The following PLPPR1 variants were observed in gnomAD, a reference collection of about 807,000 sequenced individuals.
The protein encoded by PLPPR1 is phospholipid phosphatase related 1, also known as phospholipid phosphatase-related protein type 1.
A neutral mutation model predicts 33.1 loss-of-function variants in PLPPR1; 10 were observed. The ratio of observed to expected loss-of-function variants is 0.30; its 90% CI spans 0.19 to 0.51. PLPPR1 has a LOEUF of 0.51. Among genes scored for constraint, PLPPR1 ranks in the 20% least tolerant of loss-of-function variants. The pLI is 0.97. For synonymous variants in PLPPR1, 151 were observed against 151.0 expected (o/e 1.00, Z 0.00); for missense variants, 304 against 408.1 (o/e 0.74, Z 2.20).
intron 2 of PLPPR1, among the ~76,000 whole-genome samples, chr9:101,236,535 C>G (rs1219201844): frequency 8.9e-6 from 1 of 111,864 alleles, no homozygotes; most frequent in African/African-American, 4.5e-5. Context: ...TCTCTCTAAA[C>G]TCACACACAC....
chr9:101,067,421 C>T (rs1022968591), intron 1 of PLPPR1, among the ~76,000 whole-genome samples: 1 of 151,690 alleles, frequency 6.6e-6, no homozygotes, highest in Non-Finnish European at 1.5e-5. Flanking sequence ...TTCTTGCCCT[C>T]AAGAATATTG....
chr9:101,214,095 CA>C (rs1477403422), intron 2 of PLPPR1, among the ~76,000 whole-genome samples: 2 of 152,018 alleles, frequency 1.3e-5, no homozygotes, highest in Non-Finnish European at 2.9e-5. Flanking sequence ...GATGAGGTGA[CA>C]AGACAGATGC....
rs1159891165 is a variant in PLPPR1 at position 101,185,869 on chromosome 9, AAG to A, written c.63+316_63+317del. On this transcript the variant is annotated intron_variant, in intron 2 of 7. Coordinates refer to ENST00000374874, the MANE Select transcript of PLPPR1 (RefSeq NM_207299.2). ...ACAATGATGTGAATGTTAACTATGA[AAG>A]AGAATGAAGCATTTTAATTAATTTT... Among the ~76,000 whole-genome samples, 6 of 151,994 alleles carry A rather than the reference AAG, an allele frequency of 3.9e-5. No individual in the cohort carries two copies. The South Asian group carries it at 1.2e-3, about 32-fold the overall frequency.
chr9:101,249,592 ACTT>A (rs1827679626), intron 2 of PLPPR1, among the ~76,000 whole-genome samples: 2 of 151,898 alleles, frequency 1.3e-5, no homozygotes, highest in Admixed American at 1.3e-4. Flanking sequence ...ACATTTTCTC[ACTT>A]CTTTAAACAC....
chr9:101,092,555 G>C (rs1355450585), intron 1 of PLPPR1, among the ~76,000 whole-genome samples: 1 of 152,052 alleles, frequency 6.6e-6, no homozygotes. Context: ...CTACCTCTCT[G>C]TGCCCCATGC....
intron 1 of PLPPR1, among the ~76,000 whole-genome samples, chr9:101,073,187 CTG>C (rs1188975602): frequency 6.6e-6 from 1 of 152,084 alleles, no homozygotes; most frequent in Non-Finnish European, 1.5e-5. Flanking sequence ...CTAATTTTTG[CTG>C]TGTTATTTCT....
At position 101,111,250 on chromosome 9, in the gene PLPPR1, C is replaced by A. The variant is rs1028870622; in HGVS notation, c.-45-74200C>A. Among the ~76,000 whole-genome samples, 3 of 151,974 alleles carry A rather than the reference C, an allele frequency of 2.0e-5. No homozygotes were observed. In the South Asian group the frequency reaches 6.2e-4, roughly 32 times the overall value. On this transcript the variant is annotated intron_variant, in intron 1 of 7. Transcript: ENST00000374874. ...GCTATTAAAAAGAAAATAAGCAATT[C>A]AAGTCGTTTTCAGAAAATAACAAAT...
chr9:101,254,907 G>T (rs1827772765), intron 2 of PLPPR1, among the ~76,000 whole-genome samples: 2 of 152,042 alleles, frequency 1.3e-5, no homozygotes, highest in Non-Finnish European at 2.9e-5. Flanking sequence ...GTGACTACTG[G>T]GTTATAGGGC....
intron 3 of PLPPR1, among the ~76,000 whole-genome samples, chr9:101,274,437 G>A (rs1025463049): frequency 2.0e-5 from 3 of 152,126 alleles, no homozygotes; most frequent in East Asian, 1.9e-4. Context: ...TATTTTCCTC[G>A]CAAATGAGGG....
intron 1 of PLPPR1, among the ~76,000 whole-genome samples, chr9:101,039,163 C>T (rs943299470): frequency 6.6e-6 from 1 of 152,130 alleles, no homozygotes; most frequent in Middle Eastern, 3.2e-3. Flanking sequence ...ATTATCCTTC[C>T]CTGCTCTGAA....
At chr9:101,163,869 C>T (rs73656176) in intron 1 of PLPPR1, among the ~76,000 whole-genome samples, 7,972 of 152,182 alleles carry the variant, frequency 0.052, 726 homozygotes, top group African/African-American at 0.18. Flanking sequence ...TTTTACCACC[C>T]TGTGAGGTGT....
chr9:101,078,105 A>AAGGAGAAGG (rs1491245491), intron 1 of PLPPR1, among the ~76,000 whole-genome samples: 484 of 2,266 alleles, frequency 0.21, 123 homozygotes, highest in Middle Eastern at 0.5. Flanking sequence ...GGAGAAGGAG[A>AAGGAGAAGG]AGAAGAAGAA....
Position 101,114,627 on chromosome 9 carries a change from C to T in PLPPR1, c.-45-70823C>T, listed in dbSNP as rs185508836. 8.2e-4 allele frequency among the ~76,000 whole-genome samples: 125 copies of T among 152,286 alleles called. 1 individual carries two copies. Among genetic ancestry groups the T allele is most frequent in the Non-Finnish European group, 1.5e-3 (100 of 68,030 alleles). On this transcript the variant is annotated intron_variant, in intron 1 of 7. Coordinates refer to ENST00000374874, the MANE Select transcript of PLPPR1 (RefSeq NM_207299.2). ...AGCTGATGTGACTCGCACAGGCCAA[C>T]GCCTCAGGACACAGCACAGTGTAAT...
chr9:101,160,518 T>C (rs963908353), intron 1 of PLPPR1, among the ~76,000 whole-genome samples: 7 of 152,152 alleles, frequency 4.6e-5, no homozygotes, highest in African/African-American at 1.7e-4. Context: ...GTCTTCAAAC[T>C]TTCATCCAAA....
intron 2 of PLPPR1, among the ~76,000 whole-genome samples, chr9:101,253,065 T>TG (rs1827740295): frequency 6.6e-6 from 1 of 152,132 alleles, no homozygotes; most frequent in Non-Finnish European, 1.5e-5. Context: ...ATTATATCTC[T>TG]GATCTCCTTT....
chr9:101,211,118 G>T (rs989182691), intron 2 of PLPPR1, among the ~76,000 whole-genome samples: 1 of 152,152 alleles, frequency 6.6e-6, no homozygotes, highest in South Asian at 2.1e-4. Flanking sequence ...AGATGTTGAT[G>T]CTGAAATTAA....
intron 1 of PLPPR1, among the ~76,000 whole-genome samples, chr9:101,181,069 T>C (rs1434048051): frequency 6.7e-6 from 1 of 149,966 alleles, no homozygotes; most frequent in African/African-American, 2.4e-5. Flanking sequence ...GGTCAAAGAA[T>C]CTTTGTAGAC....
chr9:101,127,393 C>T (rs1831258803), intron 1 of PLPPR1, among the ~76,000 whole-genome samples: 1 of 152,182 alleles, frequency 6.6e-6, no homozygotes, highest in African/African-American at 2.4e-5. Context: ...ATTGTGATTG[C>T]AGAGGCTGTG....
At chr9:101,034,308 C>T (rs12686256) in intron 1 of PLPPR1, among the ~76,000 whole-genome samples, 10,306 of 152,122 alleles carry the variant, frequency 0.068, 727 homozygotes, top group African/African-American at 0.18. Flanking sequence ...AGCAGATGCT[C>T]TTCTTCCCCA....
Sources: gnomAD v4.1 joint callset for allele counts (sites outside exome capture counted in the v4.1 genomes callset) on GRCh38, gnomAD v4.1.1 for gene constraint, MANE v1.5 for transcripts, NCBI Gene and HGNC (gene_info 2026-07-23, HGNC 2026-07-21) for gene names.